The following EPN2 variants were observed in gnomAD, a reference collection of about 807,000 sequenced individuals.
The protein encoded by EPN2 is epsin 2, also known as epsin-2.
EPN2 carries 34 observed loss-of-function variants against 61.7 expected under a neutral mutation model. That is an observed-to-expected ratio of 0.55 (90% confidence interval 0.42 to 0.73). EPN2 has a LOEUF of 0.73. Among genes scored for constraint, EPN2 ranks in the 30% least tolerant of loss-of-function variants. EPN2 has a pLI of 0.00. For missense variants in EPN2, 714 were observed against 839.2 expected (o/e 0.85, Z 1.84); for synonymous variants, 349 against 353.6 (o/e 0.99, Z 0.15).
chr17:19,306,097 T>C (rs570718986), intron 4 of EPN2: 1 of 152,200 alleles, frequency 6.6e-6, no homozygotes, highest in East Asian at 1.9e-4. Context: ...TTCCAGTGAG[T>C]GTCTGGGAAA....
chr17:19,257,402 T>C (rs199559874), intron 1 of EPN2, among the ~76,000 whole-genome samples: 20 of 152,334 alleles, frequency 1.3e-4, no homozygotes, highest in East Asian at 5.8e-4. Context: ...ATTCGGAAAG[T>C]ATGCCTAAGT....
intron 1 of EPN2, among the ~76,000 whole-genome samples, chr17:19,251,261 G>A (rs980613443): frequency 6.6e-6 from 1 of 152,138 alleles, no homozygotes; most frequent in Non-Finnish European, 1.5e-5. Flanking sequence ...GAGGGATAGG[G>A]GAAACAAATG....
chr17:19,297,493 C>G (rs1037217054), intron 4 of EPN2, among the ~76,000 whole-genome samples: 1 of 152,244 alleles, frequency 6.6e-6, no homozygotes, highest in African/African-American at 2.4e-5. Context: ...GAGGGCCAGC[C>G]CTAAGCTTTC....
At chr17:19,312,022 CA>C (rs776506719) in intron 5 of EPN2, 29 bp from the exon 6 acceptor site, 1 of 1,444,430 alleles carries the variant, frequency 6.9e-7, no homozygotes, top group Non-Finnish European at 9.8e-7. Flanking sequence ...GATGTTATTA[CA>C]ATTACCAGTT....
At chr17:19,327,241 A>T (rs1036277516) in intron 7 of EPN2, among the ~76,000 whole-genome samples, 1 of 152,208 alleles carries the variant, frequency 6.6e-6, no homozygotes, top group African/African-American at 2.4e-5. Context: ...CAGAGGAATC[A>T]TGACTTTTTT....
chr17:19,282,290 G>A (rs1252310597), intron 2 of EPN2: 1 of 152,184 alleles, frequency 6.6e-6, no homozygotes, highest in Non-Finnish European at 1.5e-5. Flanking sequence ...TTGCTGTTAG[G>A]AATCTTTATA....
At position 19,335,619 on chromosome 17, in the gene EPN2, G is replaced by T; in HGVS notation, c.*1365G>T. The stretch of plus-strand genomic sequence containing the variant: ...CAACAGTCCCTAGGCTAAGACAGGG[G>T]TGGGGGGCTAAGGGACCAGGGCTGG... On this transcript the variant is annotated 3_prime_UTR_variant, in exon 11 of 11. Coordinates refer to ENST00000314728, the MANE Select transcript of EPN2 (RefSeq NM_014964.5). The T allele has an allele frequency of 1.6e-6, 1 of 613,180 alleles. No individual in the cohort carries two copies. Among genetic ancestry groups the T allele is most frequent in the Non-Finnish European group, 2.6e-6 (1 of 388,790 alleles). The allele number at this position is 613,180 out of a possible 1,614,324, so 38.0% of individuals were successfully genotyped here.
chr17:19,325,844 G>T, intron 7 of EPN2, among the ~76,000 whole-genome samples: 1 of 152,046 alleles, frequency 6.6e-6, no homozygotes, highest in East Asian at 1.9e-4. Context: ...CTACAGATAA[G>T]TTATTAGAAT....
chr17:19,326,550 G>T (rs765714833), intron 7 of EPN2, among the ~76,000 whole-genome samples: 2 of 152,050 alleles, frequency 1.3e-5, no homozygotes, highest in South Asian at 4.1e-4. Context: ...AGCTGGGTGT[G>T]GTGGTGGGTG....
At chr17:19,238,069 G>A (rs1454256401) in intron 1 of EPN2, among the ~76,000 whole-genome samples, 1 of 152,184 alleles carries the variant, frequency 6.6e-6, no homozygotes, top group Non-Finnish European at 1.5e-5. Flanking sequence ...CCTTTCCTGG[G>A]GGCTGTAGCA....
At chr17:19,312,247 TC>T (rs1906176989) in intron 6 of EPN2, 103 bp downstream of exon 6, 1 of 811,170 alleles carries the variant, frequency 1.2e-6, no homozygotes, top group Admixed American at 1.9e-5. Flanking sequence ...CAGTGAGTTC[TC>T]CAACCTCAGC....
chr17:19,267,461 G>A (rs1274858500), intron 1 of EPN2, among the ~76,000 whole-genome samples: 3 of 151,446 alleles, frequency 2.0e-5, no homozygotes, highest in South Asian at 2.1e-4. Context: ...ACCTGACTTC[G>A]TATATGTTAC....
intron 1 of EPN2, among the ~76,000 whole-genome samples, chr17:19,238,823 C>G (rs908017511): frequency 6.6e-6 from 1 of 152,056 alleles, no homozygotes; most frequent in Non-Finnish European, 1.5e-5. Flanking sequence ...CAGAAAATAT[C>G]CTGTGAAAGA....
At chr17:19,248,506 A>G (rs2044977829) in intron 1 of EPN2, 1 of 152,214 alleles carries the variant, frequency 6.6e-6, no homozygotes, top group Non-Finnish European at 1.5e-5. Flanking sequence ...TTTATTAAAG[A>G]TAGTTGTAAT....
intron 4 of EPN2, among the ~76,000 whole-genome samples, chr17:19,287,440 T>C (rs2045417022): frequency 6.6e-6 from 1 of 152,124 alleles, no homozygotes; most frequent in Admixed American, 6.5e-5. Context: ...TGTGGCATCC[T>C]CTCCACATCT....
chr17:19,267,005 A>G (rs1235289301), intron 1 of EPN2, among the ~76,000 whole-genome samples: 1 of 148,660 alleles, frequency 6.7e-6, no homozygotes, highest in Non-Finnish European at 1.5e-5. Flanking sequence ...ACGCCTGGCT[A>G]ATTTTTTGTA....
intron 7 of EPN2, among the ~76,000 whole-genome samples, chr17:19,327,752 G>A (rs914596220): frequency 5.3e-5 from 8 of 151,906 alleles, no homozygotes; most frequent in Non-Finnish European, 1.0e-4. Flanking sequence ...CAGAAAATAG[G>A]CACAACTAAC....
chr17:19,272,852 CCT>C lies in EPN2; in HGVS notation c.-293-9102_-293-9101del, dbSNP rs199985559. 3.7e-3 allele frequency among the ~76,000 whole-genome samples: 559 copies of C among 152,192 alleles called. 4 individuals carry two copies. The highest frequency in any genetic ancestry group is 0.012 in the African/African-American group (518 of 41,524). On this transcript the variant is annotated intron_variant, in intron 1 of 10. Transcript: ENST00000314728. ...GGGAGGTGCAGCTCCTTGCCATACC[CCT>C]GTTTTCCTGGATTGGCAGGAACAGC...
At chr17:19,277,296 G>A (rs1163119994) in intron 1 of EPN2, among the ~76,000 whole-genome samples, 1 of 151,688 alleles carries the variant, frequency 6.6e-6, no homozygotes, top group African/African-American at 2.4e-5. Context: ...AGCTACTTGG[G>A]TGGCTGAGGT....
Sources: allele counts gnomAD v4.1 joint callset (sites outside exome capture counted in the v4.1 genomes callset), GRCh38; gene constraint gnomAD v4.1.1; transcripts MANE v1.5; gene names NCBI Gene and HGNC (gene_info 2026-07-23, HGNC 2026-07-21).